LIFR: variants seen among roughly 807,000 people sequenced by gnomAD.
LIFR encodes LIF receptor subunit alpha.
Under a neutral mutation model 122.2 loss-of-function variants are expected in LIFR, and 84 were observed. The ratio of observed to expected loss-of-function variants is 0.69; its 90% CI spans 0.58 to 0.82. LIFR has a LOEUF of 0.82. Ranked by LOEUF, LIFR falls within the 40% of genes least tolerant of loss-of-function variation. The pLI is 0.00. For missense variants in LIFR, 1,294 were observed against 1,311.6 expected (o/e 0.99, Z 0.21); for synonymous variants, 422 against 434.7 (o/e 0.97, Z 0.36).
intron 9 of LIFR, among the ~76,000 whole-genome samples, chr5:38,504,550 G>C (rs1003435892): frequency 6.6e-6 from 1 of 152,110 alleles, no homozygotes; most frequent in African/African-American, 2.4e-5. Context: ...AGTGAAGATG[G>C]AACTTAAGAT....
intron 14 of LIFR, among the ~76,000 whole-genome samples, chr5:38,491,305 A>T (rs913511711): frequency 6.6e-6 from 1 of 152,248 alleles, no homozygotes; most frequent in Non-Finnish European, 1.5e-5. Context: ...CATGCACAAA[A>T]CGTCAAGCAT....
chr5:38,605,322 G>C (rs563270421), intron 2 of LIFR, among the ~76,000 whole-genome samples: 2 of 152,280 alleles, frequency 1.3e-5, no homozygotes, highest in South Asian at 4.1e-4. Context: ...AGCAAGCACT[G>C]TGTTCAATGT....
chr5:38,510,000 C>G (rs1016143781), intron 7 of LIFR, among the ~76,000 whole-genome samples: 21 of 152,196 alleles, frequency 1.4e-4, no homozygotes, highest in Middle Eastern at 6.8e-3. Flanking sequence ...CTGTTCTCCT[C>G]AAATATAATA....
rs1743870700 is a variant in LIFR, at chr5:38,479,382, A to C, written c.*2213T>G. The C allele has an allele frequency of 4.3e-6, 1 of 230,746 alleles. No individual in the cohort carries two copies. Among genetic ancestry groups the C allele is most frequent in the African/African-American group, 2.2e-5 (1 of 45,224 alleles). 14.3% of individuals were successfully genotyped at this position (230,746 alleles called of 1,614,324 possible). On this transcript the variant is annotated 3_prime_UTR_variant, in exon 20 of 20. Transcript: ENST00000453190. ...CTGCACTTTTTTCATACAGAAAAAA[A>C]CAATGAAGTCTTGGATAGAACGAAA...
intron 1 of LIFR, among the ~76,000 whole-genome samples, chr5:38,539,431 G>A (rs1747467762): frequency 1.3e-5 from 2 of 151,968 alleles, no homozygotes. Context: ...CCTTATCTTT[G>A]TAAAATCCAT....
chr5:38,553,622 CTA>C (rs66547796), intron 1 of LIFR, among the ~76,000 whole-genome samples: 1,992 of 40,758 alleles, frequency 0.049, 28 homozygotes, highest in Non-Finnish European at 0.075. Context: ...ACCATTTAAA[CTA>C]TATATATATA....
intron 1 of LIFR, among the ~76,000 whole-genome samples, chr5:38,554,240 G>A (rs1005648258): frequency 5.9e-5 from 9 of 152,164 alleles, no homozygotes; most frequent in African/African-American, 1.9e-4. Flanking sequence ...TTTAGTTACT[G>A]ACCATCATGG....
Position 38,589,868 on chromosome 5 carries a change from G to T in LIFR, c.-20+5393C>A, listed in dbSNP as rs908661343. ...CAGATTTGGAAACCTGGAAATGCTAGAATTGTGAGGGCAGGGTGTGGCAAA... is the reference window on the plus strand; with the variant it reads ...CAGATTTGGAAACCTGGAAATGCTATAATTGTGAGGGCAGGGTGTGGCAAA... On this transcript the variant is annotated intron_variant, in intron 1 of 19. Transcript: ENST00000263409. Among the ~76,000 whole-genome samples the T allele has an allele frequency of 5.3e-5, 8 of 152,224 alleles. 1 individual carries two copies. Among genetic ancestry groups the T allele is most frequent in the African/African-American group, 1.9e-4 (8 of 41,534 alleles).
chr5:38,567,845 A>G (rs986292890), intron 1 of LIFR, among the ~76,000 whole-genome samples: 1 of 152,036 alleles, frequency 6.6e-6, no homozygotes, highest in Non-Finnish European at 1.5e-5. Context: ...CTGTATTTCA[A>G]AGAGCCTGCC....
chr5:38,483,381 CT>C (rs960934241), intron 18 of LIFR, among the ~76,000 whole-genome samples: 2 of 151,550 alleles, frequency 1.3e-5, no homozygotes, highest in East Asian at 3.9e-4. Flanking sequence ...CTTATTTTGT[CT>C]TTTTTTTCTT....
At chr5:38,559,600 CTTTG>C (rs200221875), upstream of LIFR, among the ~76,000 whole-genome samples, 76 of 152,270 alleles carry the variant, frequency 5.0e-4, no homozygotes, top group East Asian at 9.5e-3. Flanking sequence ...CAAGAACGTA[CTTTG>C]TTTGATGCTT....
chr5:38,601,174 C>G (rs1261556522), intron 2 of LIFR, among the ~76,000 whole-genome samples: 1 of 152,108 alleles, frequency 6.6e-6, no homozygotes, highest in Non-Finnish European at 1.5e-5. Context: ...GGATTAGTGT[C>G]CTTAAAGAGA....
In LIFR at chr5:38,482,572, A is replaced by C. The variant is rs1328846024; in HGVS notation, c.2670+17T>G. On this transcript the variant is annotated intron_variant, in intron 19 of 19. Coordinates refer to ENST00000453190, the MANE Select transcript of LIFR (RefSeq NM_001127671.2). Reference sequence around the variant, plus strand: ...AGCCAGCACATCAAAGATAAATATAAGAAAATAAAAGATTACCTCACAGAC... The same window carrying C: ...AGCCAGCACATCAAAGATAAATATACGAAAATAAAAGATTACCTCACAGAC... 7.6e-6 allele frequency: 10 copies of C among 1,309,192 alleles called. No individual in the cohort carries two copies. The highest frequency in any genetic ancestry group is 1.1e-5 in the Non-Finnish European group (10 of 934,396). The allele number at this position is 1,309,192 out of a possible 1,614,324, so 81.1% of individuals were successfully genotyped here.
chr5:38,505,251 T>TC (rs1332220029), intron 9 of LIFR, among the ~76,000 whole-genome samples: 1 of 151,982 alleles, frequency 6.6e-6, no homozygotes, highest in Non-Finnish European at 1.5e-5. Context: ...GAAGAATAGA[T>TC]TCGTTGTTGT....
chr5:38,534,328 T>C (rs1426096666), intron 1 of LIFR, among the ~76,000 whole-genome samples: 1 of 152,188 alleles, frequency 6.6e-6, no homozygotes, highest in East Asian at 1.9e-4. Context: ...AAGTGAAGTG[T>C]AGGGGCTCTT....
chr5:38,516,600 C>T (rs963743212), intron 5 of LIFR, among the ~76,000 whole-genome samples: 6 of 152,288 alleles, frequency 3.9e-5, no homozygotes, highest in African/African-American at 1.4e-4. Flanking sequence ...TGCTTTTACA[C>T]TGTTGGTGGG....
intron 14 of LIFR, chr5:38,490,505 T>G: frequency 3.4e-6 from 1 of 294,462 alleles, no homozygotes; most frequent in South Asian, 8.2e-5. Flanking sequence ...TAACAAAAAG[T>G]TTAGTAATAT....
upstream of LIFR, among the ~76,000 whole-genome samples, chr5:38,559,468 A>C (rs1748750540): frequency 6.6e-6 from 1 of 152,226 alleles, no homozygotes; most frequent in Admixed American, 6.5e-5. Flanking sequence ...CTCAATTTCA[A>C]GTCTCATGGA....
chr5:38,607,084 A>G (rs1019376523), intron 1 of LIFR, among the ~76,000 whole-genome samples: 3 of 152,326 alleles, frequency 2.0e-5, no homozygotes, highest in Admixed American at 6.5e-5. Context: ...TTGTAAACAT[A>G]TTTTTTAAAA....
Sources: gnomAD v4.1 joint callset for allele counts (sites outside exome capture counted in the v4.1 genomes callset) on GRCh38, gnomAD v4.1.1 for gene constraint, MANE v1.5 for transcripts, NCBI Gene and HGNC (gene_info 2026-07-23, HGNC 2026-07-21) for gene names.